Variants in ADAMTS16 observed in about 807,000 individuals in gnomAD.
ADAMTS16 encodes the protein A disintegrin and metalloproteinase with thrombospondin motifs 16.
In ADAMTS16, 94 loss-of-function variants were observed where a neutral mutation model predicts 145.8. That is an observed-to-expected ratio of 0.64 (90% CI 0.55 to 0.77). The LOEUF is 0.77. Ranked by LOEUF, ADAMTS16 falls within the 30% of genes least tolerant of loss-of-function variation. The pLI is 0.00. For missense variants in ADAMTS16, 1,585 were observed against 1,591.5 expected (o/e 1.00, Z 0.07); for synonymous variants, 659 against 604.3 (o/e 1.09, Z -1.33).
At chr5:5,284,582 T>C (rs537521030) in intron 18 of ADAMTS16, among the ~76,000 whole-genome samples, 1 of 152,236 alleles carries the variant, frequency 6.6e-6, no homozygotes, top group Non-Finnish European at 1.5e-5. Flanking sequence ...GCTCCTGGAT[T>C]TCCTGGCTGC....
chr5:5,262,928 C>A (rs1263489984), intron 18 of ADAMTS16, 145 bp downstream of exon 18: 4 of 1,206,574 alleles, frequency 3.3e-6, no homozygotes, highest in Non-Finnish European at 4.6e-6. Flanking sequence ...CAAGAGCTGC[C>A]TGGACAAGGG....
chr5:5,182,693 T>C (rs1735374542), intron 4 of ADAMTS16, among the ~76,000 whole-genome samples: 2 of 152,238 alleles, frequency 1.3e-5, no homozygotes, highest in South Asian at 2.1e-4. Flanking sequence ...AATTCATTTA[T>C]ATGCATGCTT....
At chr5:5,199,093 T>G (rs1376804335) in intron 8 of ADAMTS16, among the ~76,000 whole-genome samples, 3 of 152,132 alleles carry the variant, frequency 2.0e-5, no homozygotes, top group Non-Finnish European at 4.4e-5. Flanking sequence ...CAAGGAAGTA[T>G]GTTGTGTTCT....
rs935897708 is a variant in ADAMTS16, at chr5:5,310,988, G to A, written c.3411+4260G>A. Among the ~76,000 whole-genome samples, 1 of 152,074 alleles carries A rather than the reference G, an allele frequency of 6.6e-6. No homozygotes were observed. Among genetic ancestry groups the A allele is most frequent in the Non-Finnish European group, 1.5e-5 (1 of 68,020 alleles). ...GACCAGAGATATGTGAGCAGCAGGG[G>A]CTGGATCTCACTGAATGCCCGTGGC... On this transcript the variant is annotated intron_variant, in intron 21 of 22. Coordinates refer to ENST00000274181, the MANE Select transcript of ADAMTS16 (RefSeq NM_139056.4). The surrounding 1 kb of genome is among the most constrained non-coding windows in gnomAD (Gnocchi z 4.3).
chr5:5,276,103 C>CGTG (rs1311535100), intron 18 of ADAMTS16, among the ~76,000 whole-genome samples: 10 of 151,028 alleles, frequency 6.6e-5, no homozygotes, highest in African/African-American at 2.4e-4. Context: ...AGGTGATCCA[C>CGTG]CCATCTTGGC....
chr5:5,306,328 T>A (rs1196918660), intron 20 of ADAMTS16, among the ~76,000 whole-genome samples, 176 bp from the exon 21 acceptor site: 1 of 152,208 alleles, frequency 6.6e-6, no homozygotes, highest in East Asian at 1.9e-4. Flanking sequence ...TTCAAGTTCC[T>A]CTTATTTTTA....
chr5:5,315,300 C>T (rs953730141), intron 21 of ADAMTS16, among the ~76,000 whole-genome samples: 2 of 152,046 alleles, frequency 1.3e-5, no homozygotes, highest in African/African-American at 4.8e-5. Flanking sequence ...GATTATGACA[C>T]TTAGGGATTA....
rs535973410 is a variant in ADAMTS16, at chr5:5,316,599, A to G, written c.3412-1535A>G. On this transcript the variant is annotated intron_variant, in intron 21 of 22. Coordinates refer to ENST00000274181, the MANE Select transcript of ADAMTS16 (RefSeq NM_139056.4). ...TGTGGCATGTGCATTATGCCAGCTC[A>G]TGAAAGATAATCTAACTGAGCTCAC... Among the ~76,000 whole-genome samples, 6 of 152,260 alleles carry G rather than the reference A, an allele frequency of 3.9e-5. 1 individual carries two copies. The South Asian group carries it at 1.2e-3, about 32-fold the overall frequency.
At chr5:5,145,710 A>C (rs931036661) in intron 2 of ADAMTS16, among the ~76,000 whole-genome samples, 1 of 152,226 alleles carries the variant, frequency 6.6e-6, no homozygotes, top group Admixed American at 6.5e-5. Context: ...CTTAAAGAGT[A>C]ATCACCTTTT....
intron 3 of ADAMTS16, among the ~76,000 whole-genome samples, chr5:5,161,413 A>G (rs1201460727): frequency 6.6e-6 from 1 of 152,196 alleles, no homozygotes; most frequent in Non-Finnish European, 1.5e-5. Context: ...GGCTGACTCC[A>G]GGCTCTGTCA....
intron 6 of ADAMTS16, 104 bp downstream of exon 6, chr5:5,187,912 G>A (rs1037509615): frequency 2.8e-4 from 198 of 698,776 alleles, no homozygotes; most frequent in Middle Eastern, 3.8e-4. Context: ...CTTCTCTCTC[G>A]AGGGCAAAAT....
intron 10 of ADAMTS16, 150 bp downstream of exon 10, chr5:5,209,396 C>A (rs1736215506): frequency 2.1e-6 from 2 of 932,854 alleles, no homozygotes; most frequent in Non-Finnish European, 3.1e-6. Flanking sequence ...ACGGGAAACA[C>A]ATGTTTCACT....
intron 17 of ADAMTS16, among the ~76,000 whole-genome samples, chr5:5,252,695 C>A (rs1053750855): frequency 6.6e-6 from 1 of 152,188 alleles, no homozygotes; most frequent in African/African-American, 2.4e-5. Context: ...AAATTGAAAG[C>A]CAAACCCATG....
At chr5:5,180,065 C>T (rs893616131) in intron 3 of ADAMTS16, among the ~76,000 whole-genome samples, 1 of 152,144 alleles carries the variant, frequency 6.6e-6, no homozygotes, top group African/African-American at 2.4e-5. Context: ...GACAGCCCAG[C>T]CCCATGCAGG....
intron 8 of ADAMTS16, among the ~76,000 whole-genome samples, chr5:5,198,386 C>T (rs1189381776): frequency 1.3e-5 from 2 of 152,138 alleles, no homozygotes; most frequent in African/African-American, 2.4e-5. Flanking sequence ...ATCTACATCA[C>T]CCTTGGTACT....
intron 3 of ADAMTS16, among the ~76,000 whole-genome samples, chr5:5,154,662 A>T (rs748978537): frequency 1.1e-4 from 17 of 152,302 alleles, no homozygotes; most frequent in Non-Finnish European, 5.9e-5. Context: ...GGTGGAATTC[A>T]GACAGGTCTA....
chr5:5,209,288 A>G, intron 10 of ADAMTS16, 42 bp downstream of exon 10: 2 of 1,604,622 alleles, frequency 1.2e-6, no homozygotes, highest in Non-Finnish European at 1.7e-6. Context: ...CATGATTCAT[A>G]AGACTGTTTT....
rs778624622 is a variant in ADAMTS16 at position 5,303,342 on chromosome 5, C to A, written c.2864C>A (p.Thr955Lys). 5 of 1,604,768 alleles carry A rather than the reference C, an allele frequency of 3.1e-6. No homozygotes were observed. In the African/African-American group the frequency reaches 6.7e-5, roughly 21 times the overall value. The change falls in exon 19 of 23, where the codon ACA becomes AAA. Residue 955 changes from threonine to lysine, a missense_variant. Physicochemically the swap from Thr to Lys is moderately conservative, Grantham distance 78 (BLOSUM62 -1). Transcript: ENST00000274181. ...GGAQSRPVQC[T>K]RRVHYDSEPV... ...GCCCAGAGCCGCCCCGTGCAGTGCACACGGCGGGTGCACTATGACTCGGAG... is the reference window on the plus strand; with the variant it reads ...GCCCAGAGCCGCCCCGTGCAGTGCAAACGGCGGGTGCACTATGACTCGGAG...
At chr5:5,281,755 A>G (rs1738921699) in intron 18 of ADAMTS16, among the ~76,000 whole-genome samples, 1 of 152,200 alleles carries the variant, frequency 6.6e-6, no homozygotes, top group Non-Finnish European at 1.5e-5. Flanking sequence ...CCACTACCCT[A>G]TTGGGTGGTT....
Sources: gnomAD v4.1 joint callset for allele counts (sites outside exome capture counted in the v4.1 genomes callset) on GRCh38, gnomAD v4.1.1 for gene constraint, Gnocchi (gnomAD v3.1) non-coding constraint, MANE v1.5 for transcripts, NCBI Gene and HGNC (gene_info 2026-07-23, HGNC 2026-07-21) for gene names.